The following OPA3 variants were observed in gnomAD, a reference collection of about 807,000 sequenced individuals.
OPA3 encodes the protein optic atrophy 3 protein.
OPA3 carries 6 observed loss-of-function variants against 4.0 expected under a neutral mutation model. The ratio of observed to expected loss-of-function variants is 1.51; its 90% CI spans 0.83 to 2.99. The LOEUF (loss-of-function observed/expected upper bound fraction) is 2.99. OPA3 is among the 30% of genes most tolerant of loss of function. The pLI is 0.00. For missense variants in OPA3, 235 were observed against 256.2 expected, an observed-to-expected ratio of 0.92 and a Z score of 0.56; for synonymous variants, 105 against 117.1, an observed-to-expected ratio of 0.90 and a Z score of 0.67.
At chr19:45,577,834 G>A (rs528653551) in intron 1 of OPA3, among the ~76,000 whole-genome samples, 1 of 152,212 alleles carries the variant, frequency 6.6e-6, no homozygotes, top group East Asian at 1.9e-4. Flanking sequence ...GGAGACTCCA[G>A]ACATCGGGAC....
At chr19:45,579,554 C>T (rs1213570478) in intron 1 of OPA3, among the ~76,000 whole-genome samples, 2 of 152,048 alleles carry the variant, frequency 1.3e-5, no homozygotes, top group Non-Finnish European at 2.9e-5. Context: ...TGGCTTCCTC[C>T]ACAAGAATGT....
At chr19:45,535,754 TTTC>T (rs1421698220) in intron 1 of OPA3, among the ~76,000 whole-genome samples, 1 of 115,276 alleles carries the variant, frequency 8.7e-6, no homozygotes, top group Non-Finnish European at 1.8e-5. Context: ...TAACTGTTTT[TTTC>T]TTTTCTTTTT....
chr19:45,568,370 A>G (rs965872785), intron 1 of OPA3, among the ~76,000 whole-genome samples: 1 of 151,806 alleles, frequency 6.6e-6, no homozygotes, highest in Non-Finnish European at 1.5e-5. Flanking sequence ...TTGTATTTTT[A>G]GTAGAGATGG....
intron 1 of OPA3, among the ~76,000 whole-genome samples, chr19:45,572,663 CTATA>C (rs889131767): frequency 1.5e-5 from 2 of 132,914 alleles, no homozygotes; most frequent in African/African-American, 2.8e-5. Flanking sequence ...TCATATATAT[CTATA>C]TGAGATATAT....
chr19:45,529,233 C>T (rs1205986410), exon 2 of OPA3: 1 of 1,613,124 alleles, frequency 6.2e-7, no homozygotes, highest in Non-Finnish European at 8.5e-7. Context: ...CCTCGCCCCG[C>T]AGCGCCTCCC....
chr19:45,548,564 A>G lies in OPA3; in HGVS notation c.*4950T>C, dbSNP rs1969284633. On this transcript the variant is annotated 3_prime_UTR_variant, in exon 2 of 2. Transcript: ENST00000263275. ...GTGTGAGCATCTGTAAGACCCGGTG[A>G]CGGCAGGGCTGGGGCTGTCTCTGTC... is the stretch of plus-strand genomic sequence containing the variant. 2.0e-6 allele frequency: 2 copies of G among 985,392 alleles called. No homozygotes were observed. Among genetic ancestry groups the G allele is most frequent in the South Asian group, 9.4e-5 (2 of 21,292 alleles). 61.0% of individuals were successfully genotyped at this position (985,392 alleles called of 1,614,324 possible).
At chr19:45,579,393 G>C (rs368673489) in intron 1 of OPA3, among the ~76,000 whole-genome samples, 1 of 151,992 alleles carries the variant, frequency 6.6e-6, no homozygotes, top group Admixed American at 6.6e-5. Flanking sequence ...GCTAATTTTT[G>C]TATTTTTAGT....
At chr19:45,578,872 T>A (rs1304320027) in intron 1 of OPA3, among the ~76,000 whole-genome samples, 2 of 152,154 alleles carry the variant, frequency 1.3e-5, no homozygotes, top group East Asian at 3.9e-4. Context: ...GATATTGTCC[T>A]TCTGCTGCAC....
At chr19:45,567,584 A>G (rs1023363760) in intron 1 of OPA3, among the ~76,000 whole-genome samples, 4 of 152,140 alleles carry the variant, frequency 2.6e-5, no homozygotes, top group African/African-American at 9.7e-5. Flanking sequence ...TACTAGTTAC[A>G]TGGGTATATG....
chr19:45,529,340 C>T (rs746670368), exon 2 of OPA3: 2 of 1,614,224 alleles, frequency 1.2e-6, no homozygotes, highest in South Asian at 2.2e-5. Context: ...AAGATGATGC[C>T]CTCGCCCAGC....
At chr19:45,538,365 G>A (rs1447825626) in intron 1 of OPA3, among the ~76,000 whole-genome samples, 1 of 152,096 alleles carries the variant, frequency 6.6e-6, no homozygotes, top group East Asian at 1.9e-4. Flanking sequence ...AAACTGCAGT[G>A]AGCTGTGATT....
At chr19:45,529,149 C>T in exon 2 of OPA3, 3 of 1,610,014 alleles carry the variant, frequency 1.9e-6, no homozygotes, top group Non-Finnish European at 2.5e-6. Flanking sequence ...CGCGCAGCTC[C>T]TCCAGGGCGA....
chr19:45,572,826 T>G (rs1308916023), intron 1 of OPA3, among the ~76,000 whole-genome samples: 68 of 144,382 alleles, frequency 4.7e-4, no homozygotes, highest in Middle Eastern at 7.2e-3. Flanking sequence ...GATATATATC[T>G]CGATATATAT....
At chr19:45,532,346 A>G (rs1035927891) in intron 1 of OPA3, among the ~76,000 whole-genome samples, 32 of 152,196 alleles carry the variant, frequency 2.1e-4, no homozygotes, top group African/African-American at 7.7e-4. Context: ...ATGAGCCACA[A>G]CCATGAGAAT....
At chr19:45,541,532 C>T (rs1166220903), downstream of OPA3, among the ~76,000 whole-genome samples, 1 of 152,046 alleles carries the variant, frequency 6.6e-6, no homozygotes, top group African/African-American at 2.4e-5. Flanking sequence ...ACAGGGAGAC[C>T]TGGTCTCTAC....
Position 45,549,075 on chromosome 19 carries a change from G to T in OPA3, c.*4439C>A, listed in dbSNP as rs538388889. The T allele has an allele frequency of 6.1e-6, 6 of 976,268 alleles. No homozygotes were observed. Among genetic ancestry groups the T allele is most frequent in the Non-Finnish European group, 7.3e-6 (6 of 821,690 alleles). The allele number at this position is 976,268 out of a possible 1,614,324, so 60.5% of individuals were successfully genotyped here. A position where few individuals can be genotyped will look rare whatever the true frequency, so the allele number is the denominator to read the frequency against. Reference sequence around the variant, plus strand: ...CCACCCTGGCCTCCCAAAGTGCTAGGATTACAGGTGTGAGCCACTGCGCCC... The same window carrying T: ...CCACCCTGGCCTCCCAAAGTGCTAGTATTACAGGTGTGAGCCACTGCGCCC... On this transcript the variant is annotated 3_prime_UTR_variant, in exon 2 of 2. Coordinates refer to ENST00000263275, the MANE Select transcript of OPA3 (RefSeq NM_025136.4).
Position 45,547,705 on chromosome 19 carries a change from T to TC in OPA3, c.*5808_*5809insG, listed in dbSNP as rs1568399728. The TC allele has an allele frequency of 7.0e-6, 1 of 143,518 alleles. No homozygotes were observed. The highest frequency in any genetic ancestry group is 1.9e-4 in the East Asian group (1 of 5,130). The allele number at this position is 143,518 out of a possible 1,614,324, so 8.9% of individuals were successfully genotyped here. A position where few individuals can be genotyped will look rare whatever the true frequency, so the allele number is the denominator to read the frequency against. On this transcript the variant is annotated 3_prime_UTR_variant, in exon 2 of 2. Transcript: ENST00000263275. ...ACCCTATGCTGGATTAGCTTTTTCC[T>TC]TTTTTTTTTGAGATGGAGTCTCGTT...
intron 1 of OPA3, among the ~76,000 whole-genome samples, chr19:45,560,696 T>A (rs1969489562): frequency 1.3e-5 from 2 of 152,026 alleles, no homozygotes; most frequent in Non-Finnish European, 2.9e-5. Flanking sequence ...CTTTTCTCAC[T>A]CGACTGTCAC....
intron 1 of OPA3, 104 bp downstream of exon 1, chr19:45,584,519 G>A (rs1600009764): frequency 3.1e-5 from 50 of 1,599,812 alleles, no homozygotes; most frequent in East Asian, 1.3e-4. Context: ...GACTTTGCCG[G>A]TTCGGGCTGT....
Sources: gnomAD v4.1 joint callset for allele counts (sites outside exome capture counted in the v4.1 genomes callset) on GRCh38, gnomAD v4.1.1 for gene constraint, MANE v1.5 for transcripts, NCBI Gene and HGNC (gene_info 2026-07-23, HGNC 2026-07-21) for gene names.